The following GRM7 variants were observed in gnomAD, a reference collection of about 807,000 sequenced individuals.
The protein encoded by GRM7 is metabotropic glutamate receptor 7.
In GRM7, 35 loss-of-function variants were observed where a neutral mutation model predicts 84.5. The observed-to-expected ratio is 0.41, with a 90% CI of 0.32 to 0.55. The LOEUF is 0.55. Ranked by LOEUF, GRM7 falls within the 20% of genes least tolerant of loss-of-function variation. The pLI is 0.19. For missense variants in GRM7, 1,003 were observed against 1,194.6 expected, an observed-to-expected ratio of 0.84 and a Z score of 2.36; for synonymous variants, 487 against 455.1, an observed-to-expected ratio of 1.07 and a Z score of -0.89.
In GRM7 at chr3:7,004,469, A is replaced by C. The variant is rs10490859; in HGVS notation, c.520-141983A>C. On this transcript the variant is annotated intron_variant, in intron 1 of 9. Transcript: ENST00000357716. ...ACAATCTCTTTGGTTATGATTAGTG[A>C]GAAACTTGAACTTCCCATTGAGAAG... 6.1e-3 allele frequency among the ~76,000 whole-genome samples: 922 copies of C among 152,320 alleles called. 8 individuals are homozygous for C. Among genetic ancestry groups the C allele is most frequent in the African/African-American group, 0.021 (879 of 41,562 alleles).
intron 1 of GRM7, among the ~76,000 whole-genome samples, chr3:6,970,211 A>AAAACTTTCCCAAACTTTCCC (rs112168295): frequency 6.6e-6 from 1 of 151,826 alleles, no homozygotes; most frequent in Non-Finnish European, 1.5e-5. Context: ...AAACTGCTCC[A>AAAACTTTCCCAAACTTTCCC]AGACTTTCCC....
At chr3:7,203,430 G>T (rs111495942) in intron 2 of GRM7, among the ~76,000 whole-genome samples, 1 of 151,986 alleles carries the variant, frequency 6.6e-6, no homozygotes, top group Non-Finnish European at 1.5e-5. Flanking sequence ...TATCGTGTAC[G>T]TGTGTTTGTG....
chr3:7,287,614 A>G (rs548002400), intron 2 of GRM7, among the ~76,000 whole-genome samples: 225 of 152,264 alleles, frequency 1.5e-3, no homozygotes, highest in African/African-American at 5.1e-3. Context: ...TTTTCTCTGG[A>G]CTTTCTGAAA....
chr3:7,640,002 T>A (rs185466830), intron 8 of GRM7, among the ~76,000 whole-genome samples: 1 of 152,298 alleles, frequency 6.6e-6, no homozygotes, highest in African/African-American at 2.4e-5. Flanking sequence ...TTTTTGAGAT[T>A]CAATCATGTC....
chr3:7,587,834 C>T (rs1695587911), intron 8 of GRM7, among the ~76,000 whole-genome samples: 1 of 152,044 alleles, frequency 6.6e-6, no homozygotes, highest in Non-Finnish European at 1.5e-5. Context: ...GAGAAGAATC[C>T]CTTAGAGCAA....
chr3:7,489,189 A>C (rs1351237651), intron 7 of GRM7, among the ~76,000 whole-genome samples: 1 of 152,200 alleles, frequency 6.6e-6, no homozygotes, highest in Non-Finnish European at 1.5e-5. Flanking sequence ...AATATATTTT[A>C]CAACATGACC....
At chr3:7,205,512 G>A (rs1001426510) in intron 2 of GRM7, among the ~76,000 whole-genome samples, 1 of 152,156 alleles carries the variant, frequency 6.6e-6, no homozygotes, top group African/African-American at 2.4e-5. Flanking sequence ...TTATTAGGCT[G>A]TGCCATTTTT....
intron 2 of GRM7, among the ~76,000 whole-genome samples, chr3:7,273,449 GC>G (rs1559544375): frequency 1.3e-5 from 2 of 152,054 alleles, no homozygotes; most frequent in Non-Finnish European, 2.9e-5. Context: ...CTAATAGACA[GC>G]TATTGAGATC....
chr3:6,930,877 A>G (rs919548474), intron 1 of GRM7, among the ~76,000 whole-genome samples: 14 of 152,194 alleles, frequency 9.2e-5, no homozygotes, highest in Non-Finnish European at 1.5e-4. Flanking sequence ...TGTAAAAACT[A>G]TGAAGTTATT....
intron 8 of GRM7, among the ~76,000 whole-genome samples, chr3:7,636,810 A>G (rs966926292): frequency 1.3e-5 from 2 of 152,154 alleles, no homozygotes; most frequent in Non-Finnish European, 2.9e-5. Context: ...CCAAGATTCA[A>G]TGTTGCATGG....
intron 2 of GRM7, among the ~76,000 whole-genome samples, chr3:7,234,220 A>G (rs935201801): frequency 2.0e-5 from 3 of 152,222 alleles, no homozygotes; most frequent in Non-Finnish European, 4.4e-5. Flanking sequence ...ATTAAAAACC[A>G]AATTTGACCT....
intron 2 of GRM7, among the ~76,000 whole-genome samples, chr3:7,212,741 C>T (rs1193415922): frequency 6.6e-6 from 1 of 152,134 alleles, no homozygotes; most frequent in Admixed American, 6.5e-5. Flanking sequence ...TACCCAATCA[C>T]CAAATATTTG....
intron 2 of GRM7, among the ~76,000 whole-genome samples, chr3:7,176,636 T>C (rs1695160403): frequency 6.6e-6 from 1 of 152,216 alleles, no homozygotes; most frequent in South Asian, 2.1e-4. Flanking sequence ...TAGTTGAATT[T>C]TACCCTTCCA....
At chr3:7,726,268 T>C (rs942829866) in intron 9 of GRM7, among the ~76,000 whole-genome samples, 6 of 151,960 alleles carry the variant, frequency 3.9e-5, no homozygotes, top group Non-Finnish European at 8.8e-5. Flanking sequence ...AGAAATTCCC[T>C]TCATCCTAAA....
chr3:7,676,409 G>A (rs1054153355), intron 8 of GRM7, among the ~76,000 whole-genome samples: 1 of 152,074 alleles, frequency 6.6e-6, no homozygotes, highest in Admixed American at 6.5e-5. Context: ...ATGACATTTT[G>A]ATAAACAGAT....
chr3:7,112,382 G>A (rs1035343040), intron 1 of GRM7, among the ~76,000 whole-genome samples: 21 of 151,856 alleles, frequency 1.4e-4, no homozygotes, highest in African/African-American at 4.8e-4. Context: ...GTGCTACCAT[G>A]CTTCTTTAAT....
At chr3:7,460,099 TAAAAAAAAAA>T (rs71066013) in intron 6 of GRM7, among the ~76,000 whole-genome samples, 8 of 49,544 alleles carry the variant, frequency 1.6e-4, no homozygotes, top group African/African-American at 5.6e-4. Context: ...CTTAAAATAG[TAAAAAAAAAA>T]AAAAAAAAAA....
Position 7,447,970 on chromosome 3 carries a change from G to T in GRM7, c.1175-4637G>T, listed in dbSNP as rs1224834032. Among the ~76,000 whole-genome samples the T allele has an allele frequency of 3.7e-5, 5 of 133,904 alleles. No individual in the cohort carries two copies. In the East Asian group the frequency reaches 8.7e-4, roughly 23 times the overall value. 87.8% of individuals were successfully genotyped at this position (133,904 alleles called of 152,430 possible). A position where few individuals can be genotyped will look rare whatever the true frequency, so the allele number is the denominator to read the frequency against. ...TGTGTCCATGTGTTCTCATTGTTCA[G>T]TTCCCACCTATGAGTGAGAACATGC... On this transcript the variant is annotated intron_variant, in intron 5 of 9. Transcript: ENST00000357716.
At chr3:7,461,240 C>G (rs2124907459) in intron 6 of GRM7, among the ~76,000 whole-genome samples, 1 of 152,224 alleles carries the variant, frequency 6.6e-6, no homozygotes. Flanking sequence ...AAAGCATCAT[C>G]ATCAGGAGCA....
Sources: allele counts gnomAD v4.1 joint callset (sites outside exome capture counted in the v4.1 genomes callset), GRCh38; gene constraint gnomAD v4.1.1; transcripts MANE v1.5; gene names NCBI Gene and HGNC (gene_info 2026-07-23, HGNC 2026-07-21).